Variants in JAKMIP3 observed in about 807,000 individuals in gnomAD.
The protein encoded by JAKMIP3 is Janus kinase and microtubule interacting protein 3.
JAKMIP3 carries 58 observed loss-of-function variants against 118.5 expected under a neutral mutation model. The ratio of observed to expected loss-of-function variants is 0.49; its 90% CI spans 0.40 to 0.61. The LOEUF (loss-of-function observed/expected upper bound fraction) is 0.61, where lower values mean the gene tolerates loss of function less well. Ranked by LOEUF, JAKMIP3 falls within the 20% of genes least tolerant of loss-of-function variation. The pLI, the probability that JAKMIP3 is intolerant of heterozygous loss-of-function variation, is 0.00. For synonymous variants in JAKMIP3, 486 were observed against 451.2 expected, an observed-to-expected ratio of 1.08 and a Z score of -0.98; for missense variants, 950 against 1,109.0, an observed-to-expected ratio of 0.86 and a Z score of 2.04.
chr10:132,127,419 C>T (rs12779359), intron 3 of JAKMIP3, among the ~76,000 whole-genome samples: 22 of 79,846 alleles, frequency 2.8e-4, no homozygotes, highest in South Asian at 8.8e-4. Flanking sequence ...TGTGTGTGTG[C>T]GTGTGTGTGT....
At chr10:132,133,001 C>T (rs1266733787) in intron 3 of JAKMIP3, among the ~76,000 whole-genome samples, 1 of 152,202 alleles carries the variant, frequency 6.6e-6, no homozygotes, top group African/African-American at 2.4e-5. Context: ...AAAGTACCAC[C>T]CCTGTGTGCA....
chr10:132,065,259 T>C (rs1033617328), upstream of JAKMIP3, among the ~76,000 whole-genome samples: 1 of 152,046 alleles, frequency 6.6e-6, no homozygotes, highest in East Asian at 1.9e-4. This position sits in a 1 kb window ranked among gnomAD's most constrained non-coding sequence, Gnocchi z 5.6. Context: ...CGGACGGTGA[T>C]TATGGACTGC....
intron 19 of JAKMIP3, among the ~76,000 whole-genome samples, chr10:132,159,644 G>GT (rs2057701710): frequency 1.2e-5 from 1 of 83,746 alleles, no homozygotes; most frequent in Non-Finnish European, 2.7e-5. Context: ...TGATGCTGGG[G>GT]GGCCTCTCCC....
intron 1 of JAKMIP3, among the ~76,000 whole-genome samples, chr10:132,052,976 C>T (rs1056683573): frequency 6.6e-6 from 1 of 152,172 alleles, no homozygotes; most frequent in African/African-American, 2.4e-5. Flanking sequence ...AAGTCTGGGT[C>T]TTTTAATTGT....
At chr10:132,104,602 A>C (rs1339623096) in intron 1 of JAKMIP3, 70 bp from the exon 2 acceptor site, 4 of 591,662 alleles carry the variant, frequency 6.8e-6, no homozygotes, top group South Asian at 6.2e-5. Context: ...CTGCCCCGGC[A>C]CACAAGCCCC....
At chr10:132,150,872 CA>C (rs374156903) in intron 16 of JAKMIP3, among the ~76,000 whole-genome samples, 18 of 152,258 alleles carry the variant, frequency 1.2e-4, no homozygotes, top group African/African-American at 3.9e-4. Context: ...ATCCATCCTT[CA>C]TCCTTCATCT....
At chr10:132,149,383 C>A in intron 14 of JAKMIP3, 29 bp from the exon 15 acceptor site, 2 of 1,435,992 alleles carry the variant, frequency 1.4e-6, no homozygotes, top group Non-Finnish European at 1.9e-6. Flanking sequence ...GGGAGGGGAG[C>A]GGCTCACCCT....
chr10:132,119,621 T>A (rs1487372035), intron 3 of JAKMIP3, among the ~76,000 whole-genome samples: 1 of 152,224 alleles, frequency 6.6e-6, no homozygotes, highest in Admixed American at 6.5e-5. Context: ...AAAGGCTTCA[T>A]TTCTGGAGTA....
upstream of JAKMIP3, among the ~76,000 whole-genome samples, chr10:132,064,067 CTGGGGACATTTTTAAA>C (rs1357066220): frequency 2.6e-5 from 4 of 152,200 alleles, no homozygotes; most frequent in African/African-American, 7.2e-5. The surrounding 1 kb of genome is among the most constrained non-coding windows in gnomAD (Gnocchi z 4.4). Flanking sequence ...TAAGCTTGGA[CTGGGGACATTTTTAAA>C]TGGCCCCATT....
At chr10:132,071,896 T>TCTTTCTTTCTTTCCTTTCTTTCTTTC (rs1177981068) in intron 1 of JAKMIP3, among the ~76,000 whole-genome samples, 1 of 68,822 alleles carries the variant, frequency 1.5e-5, no homozygotes, top group Non-Finnish European at 2.7e-5. Flanking sequence ...TTCTTTCCTT[T>TCTTTCTTTCTTTCCTTTCTTTCTTTC]CTTTCTTCCC....
rs148474350 is a variant in JAKMIP3, at chr10:132,124,502, C to T, written c.633+6928C>T. Among the ~76,000 whole-genome samples, 152 of 149,006 alleles carry T rather than the reference C, an allele frequency of 1.0e-3. 1 individual carries two copies. Among genetic ancestry groups the T allele is most frequent in the African/African-American group, 3.5e-3 (142 of 41,114 alleles). On this transcript the variant is annotated intron_variant, in intron 3 of 23. Coordinates refer to ENST00000684848, the MANE Select transcript of JAKMIP3 (RefSeq NM_001323087.2). ...CCATTGCCACACACATCCATTGCCA[C>T]GCGGTCACCCATCCCACCCCGGCAC...
At chr10:132,142,578 GT>G (rs2135968812) in intron 11 of JAKMIP3, among the ~76,000 whole-genome samples, 1 of 152,282 alleles carries the variant, frequency 6.6e-6, no homozygotes, top group African/African-American at 2.4e-5. Context: ...CCTTAGCGTC[GT>G]CCCCCAGGAA....
intron 19 of JAKMIP3, among the ~76,000 whole-genome samples, chr10:132,155,880 C>A (rs2057030030): frequency 6.6e-6 from 1 of 152,128 alleles, no homozygotes; most frequent in African/African-American, 2.4e-5. Context: ...GGTGGTGAGA[C>A]CTGAGTCCCT....
At position 132,145,177 on chromosome 10, in the gene JAKMIP3, C is replaced by A. The variant is rs776445753; in HGVS notation, c.1673C>A (p.Ala558Glu). The part of the protein sequence containing the change: ...ARIEDLEKAL[A>E]EQGQDMKWIE... ...ATAGAGGACCTGGAGAAGGCCCTGG[C>A]GGAGCAGGGGCAGGTGAGCCTGCAG... The change falls in exon 12 of 24, where the codon GCG becomes GAG. Residue 558 changes from alanine to glutamate, a missense_variant. Physicochemically the swap from Ala to Glu is moderately radical, Grantham distance 107. Coordinates refer to ENST00000684848, the MANE Select transcript of JAKMIP3 (RefSeq NM_001323087.2). 4.3e-6 allele frequency: 7 copies of A among 1,609,752 alleles called. No individual in the cohort carries two copies. Among genetic ancestry groups the A allele is most frequent in the East Asian group, 4.5e-5 (2 of 44,766 alleles).
chr10:132,097,885 C>T (rs1363872151), intron 1 of JAKMIP3, among the ~76,000 whole-genome samples: 1 of 132,232 alleles, frequency 7.6e-6, no homozygotes, highest in African/African-American at 2.8e-5. Flanking sequence ...CTTTTATTTT[C>T]TTCCCTTCCC....
chr10:132,039,703 C>G (rs944629903), intron 1 of JAKMIP3, among the ~76,000 whole-genome samples: 2 of 152,218 alleles, frequency 1.3e-5, no homozygotes, highest in Non-Finnish European at 2.9e-5. Context: ...GGCTGGCCCC[C>G]GATTCCCTAC....
chr10:132,070,389 C>G (rs982290716), intron 1 of JAKMIP3, among the ~76,000 whole-genome samples: 1 of 152,176 alleles, frequency 6.6e-6, no homozygotes, highest in African/African-American at 2.4e-5. Flanking sequence ...CTCAGGTGAT[C>G]CGCCTGCCTC....
intron 2 of JAKMIP3, among the ~76,000 whole-genome samples, chr10:132,109,064 A>G (rs2046394943): frequency 6.6e-4 from 1 of 1,518 alleles, no homozygotes; most frequent in Non-Finnish European, 6.0e-3. Context: ...ACATGCACAT[A>G]TACACACATA....
chr10:132,038,891 T>G (rs1189777755), intron 1 of JAKMIP3, among the ~76,000 whole-genome samples: 1 of 151,766 alleles, frequency 6.6e-6, no homozygotes, highest in Non-Finnish European at 1.5e-5. Flanking sequence ...GGTGTCCCCC[T>G]GTTAGGGTAC....
Sources: allele counts gnomAD v4.1 joint callset (sites outside exome capture counted in the v4.1 genomes callset), GRCh38; gene constraint gnomAD v4.1.1; non-coding constraint Gnocchi (gnomAD v3.1); transcripts MANE v1.5; gene names NCBI Gene and HGNC (gene_info 2026-07-23, HGNC 2026-07-21).